FAH: variants seen among roughly 807,000 people sequenced by gnomAD.
FAH encodes the protein fumarylacetoacetase.
In FAH, 47 loss-of-function variants were observed where a neutral mutation model predicts 55.8. The observed-to-expected ratio is 0.84, with a 90% confidence interval of 0.67 to 1.07. The LOEUF (loss-of-function observed/expected upper bound fraction) is 1.07, where lower values mean the gene tolerates loss of function less well. Ranked by LOEUF, FAH falls within the 50% of genes least tolerant of loss-of-function variation. FAH has a pLI of 0.00. For missense variants in FAH, 495 were observed against 545.9 expected (o/e 0.91, Z 0.93); for synonymous variants, 199 against 207.7 (o/e 0.96, Z 0.36).
rs1257866486 is a variant in FAH at position 80,168,107 on chromosome 15, A to G, written c.511A>G (p.Thr171Ala). ...GRASSVVVSG[T>A]PIRRPMGQMK... ...TGCCTCCTCTGTCGTGGTGTCTGGC[A>G]CCCCAATCCGAAGGCCCATGGGACA... Residue 171 changes from threonine to alanine, a missense_variant, in exon 6 of 14, where the codon ACC becomes GCC. Transcript: ENST00000561421. 1.2e-6 allele frequency: 2 copies of G among 1,613,854 alleles called. No individual in the cohort carries two copies. Among genetic ancestry groups the G allele is most frequent in the Non-Finnish European group, 1.7e-6 (2 of 1,180,024 alleles).
chr15:80,160,445 T>G lies in FAH; in HGVS notation c.350T>G (p.Leu117Arg). The G allele has an allele frequency of 1.2e-6, 2 of 1,614,202 alleles. No homozygotes were observed. The highest frequency in any genetic ancestry group is 1.7e-6 in the Non-Finnish European group (2 of 1,180,016). The stretch of plus-strand genomic sequence containing the variant: ...TCCCAGGCTTCTGCCACGATGCACC[T>G]TCCAGCCACCATAGGTGAGTGCAGT... ...FISQASATMH[L>R]PATIGDYTDF... The change falls in exon 4 of 14, where the codon CTT becomes CGT. Residue 117 changes from leucine to arginine, a missense_variant. Leu to Arg is a moderately radical substitution (Grantham distance 102). Transcript: ENST00000561421.
rs1474137940 is a variant in FAH, at chr15:80,172,010, C to T, written c.607-139C>T. ...CCATCTGACCTCTGACTTAGAAACACAGTGGATTCATGCCAGGCCCCTGTG... is the reference window on the plus strand; with the variant it reads ...CCATCTGACCTCTGACTTAGAAACATAGTGGATTCATGCCAGGCCCCTGTG... On this transcript the variant is annotated intron_variant, in intron 7 of 13. Transcript: ENST00000561421. The T allele has an allele frequency of 5.3e-6, 4 of 752,852 alleles. No individual in the cohort carries two copies. In the African/African-American group the frequency reaches 6.8e-5, roughly 13 times the overall value. 46.6% of individuals were successfully genotyped at this position (752,852 alleles called of 1,614,324 possible).
chr15:80,162,205 T>C, intron 4 of FAH, 41 bp from the exon 5 acceptor site: 3 of 1,459,222 alleles, frequency 2.1e-6, no homozygotes, highest in Non-Finnish European at 2.9e-6. Context: ...TCCTGAGGCA[T>C]GTGGGTTGCT....
chr15:80,180,583 G>A (rs759886991), intron 12 of FAH, among the ~76,000 whole-genome samples: 6 of 152,200 alleles, frequency 3.9e-5, no homozygotes, highest in Non-Finnish European at 5.9e-5. Context: ...CCACCCGCTT[G>A]TCCCCCTGTA....
At chr15:80,175,263 G>A (rs1190107042) in intron 10 of FAH, among the ~76,000 whole-genome samples, 172 bp downstream of exon 10, 2 of 152,050 alleles carry the variant, frequency 1.3e-5, no homozygotes, top group East Asian at 1.9e-4. Flanking sequence ...ACACCCTGGT[G>A]CTCACTGGGA....
At chr15:80,154,396 G>A (rs186940595) in intron 1 of FAH, among the ~76,000 whole-genome samples, 1 of 152,332 alleles carries the variant, frequency 6.6e-6, no homozygotes, top group African/African-American at 2.4e-5. Flanking sequence ...GTTAGAGTGT[G>A]GCTAGGTGTT....
chr15:80,165,023 A>C (rs536465081), intron 5 of FAH, among the ~76,000 whole-genome samples: 1 of 152,342 alleles, frequency 6.6e-6, no homozygotes, highest in African/African-American at 2.4e-5. Flanking sequence ...AGTCTTTTAC[A>C]AAATAAGTTT....
intron 13 of FAH, among the ~76,000 whole-genome samples, chr15:80,181,575 G>T (rs1439752578): frequency 6.6e-6 from 1 of 151,998 alleles, no homozygotes; most frequent in African/African-American, 2.4e-5. Context: ...TCTTCTGGGG[G>T]TGCCATTCTG....
At chr15:80,165,398 G>A (rs1002186544) in intron 5 of FAH, among the ~76,000 whole-genome samples, 2 of 152,146 alleles carry the variant, frequency 1.3e-5, no homozygotes, top group Non-Finnish European at 2.9e-5. Flanking sequence ...CATGATGGCG[G>A]GTGCCTGTAA....
At position 80,153,054 on chromosome 15, in the gene FAH, C is replaced by T; in HGVS notation, c.-1C>T. 2 of 1,613,334 alleles carry T rather than the reference C, an allele frequency of 1.2e-6. No individual in the cohort carries two copies. Among genetic ancestry groups the T allele is most frequent in the South Asian group, 1.1e-5 (1 of 91,084 alleles). ...CGCAGCCGTGCCGGGTGCTCTTCAGCATGTCCTTCATCCCGGTGGCCGAGG... is the reference window on the plus strand; with the variant it reads ...CGCAGCCGTGCCGGGTGCTCTTCAGTATGTCCTTCATCCCGGTGGCCGAGG... On this transcript the variant is annotated 5_prime_UTR_variant, in exon 1 of 14. Coordinates refer to ENST00000561421, the MANE Select transcript of FAH (RefSeq NM_000137.4).
chr15:80,165,594 C>T (rs887399101), intron 5 of FAH, among the ~76,000 whole-genome samples: 1 of 150,992 alleles, frequency 6.6e-6, no homozygotes, highest in Non-Finnish European at 1.5e-5. Context: ...ACTTGGGAGG[C>T]TGAGGCAGGA....
At chr15:80,160,034 G>A (rs1395122991) in intron 3 of FAH, 157 bp downstream of exon 3, 1 of 1,039,964 alleles carries the variant, frequency 9.6e-7, no homozygotes, top group Non-Finnish European at 1.4e-6. Flanking sequence ...GCCTATTGAT[G>A]GGAGGGCTTT....
intron 4 of FAH, among the ~76,000 whole-genome samples, chr15:80,161,169 A>G (rs1567115416): frequency 6.6e-6 from 1 of 151,948 alleles, no homozygotes; most frequent in African/African-American, 2.4e-5. Context: ...CCCCACTCTC[A>G]TACACTCATG....
intron 3 of FAH, 30 bp from the exon 4 acceptor site, chr15:80,160,380 G>A: frequency 6.2e-7 from 1 of 1,613,712 alleles, no homozygotes; most frequent in Non-Finnish European, 8.5e-7. Flanking sequence ...CTGCCTACTT[G>A]ACTTTGAAGC....
chr15:80,153,171 G>GGGGAGTGGAGTGGAGTGGAGT lies in FAH; in HGVS notation c.81+38_81+39insGAGTGGAGTGGAGTGGAGTGG, dbSNP rs1555440094. ...GGGCTTTGGCGTCCGGGCGCGGGGA[G>GGGGAGTGGAGTGGAGTGGAGT]GGAGTGGAGTGGAGTGGAGTGGAGT... On this transcript the variant is annotated intron_variant, in intron 1 of 13. Transcript: ENST00000561421. 84 of 1,250,184 alleles carry GGGGAGTGGAGTGGAGTGGAGT rather than the reference G, an allele frequency of 6.7e-5. No individual in the cohort carries two copies. In the African/African-American group the frequency reaches 9.3e-4, roughly 14 times the overall value. The allele number at this position is 1,250,184 out of a possible 1,614,324, so 77.4% of individuals were successfully genotyped here.
chr15:80,174,706 C>T (rs2041268071), intron 9 of FAH, among the ~76,000 whole-genome samples: 1 of 152,184 alleles, frequency 6.6e-6, no homozygotes, highest in African/African-American at 2.4e-5. Context: ...TCCATCTCGG[C>T]CTGTCTGCTG....
chr15:80,155,159 T>C (rs1427205775), intron 1 of FAH, among the ~76,000 whole-genome samples: 1 of 152,180 alleles, frequency 6.6e-6, no homozygotes, highest in African/African-American at 2.4e-5. Flanking sequence ...CCTCTCTGAA[T>C]GAGCTCCCCG....
At chr15:80,158,004 G>A (rs1470028562) in intron 1 of FAH, 56 bp from the exon 2 acceptor site, 4 of 1,338,360 alleles carry the variant, frequency 3.0e-6, no homozygotes, top group Non-Finnish European at 3.2e-6. Context: ...CTGAGTAAAT[G>A]AGCCAAGCCC....
chr15:80,153,002 C>G lies in FAH; in HGVS notation c.-53C>G, dbSNP rs187323555. 3.1e-5 allele frequency: 48 copies of G among 1,530,258 alleles called. No homozygotes were observed. The highest frequency in any genetic ancestry group is 1.8e-6 in the Non-Finnish European group (2 of 1,110,938). The allele number at this position is 1,530,258 out of a possible 1,614,324, so 94.8% of individuals were successfully genotyped here. A position where few individuals can be genotyped will look rare whatever the true frequency, so the allele number is the denominator to read the frequency against. On this transcript the variant is annotated 5_prime_UTR_variant, in exon 1 of 14. Coordinates refer to ENST00000561421, the MANE Select transcript of FAH (RefSeq NM_000137.4). ...CCTGACCACAGCGGCCGAGTTCAGT[C>G]CTGCTCTCCGCACGCCACCTTAGGC...
Sources: gnomAD v4.1 joint callset for allele counts (sites outside exome capture counted in the v4.1 genomes callset) on GRCh38, gnomAD v4.1.1 for gene constraint, MANE v1.5 for transcripts, NCBI Gene and HGNC (gene_info 2026-07-23, HGNC 2026-07-21) for gene names.